The following FHIT variants were observed in gnomAD, a reference collection of about 807,000 sequenced individuals.
The protein encoded by FHIT is bis(5'-adenosyl)-triphosphatase.
A neutral mutation model predicts 17.9 loss-of-function variants in FHIT; 19 were observed. The ratio of observed to expected loss-of-function variants is 1.06; its 90% CI spans 0.74 to 1.56. The LOEUF (loss-of-function observed/expected upper bound fraction) is 1.56. Ranked by LOEUF, FHIT falls within the 40% of genes most tolerant of loss-of-function variation. FHIT has a pLI of 0.00. For missense variants in FHIT, 248 were observed against 189.2 expected (o/e 1.31, Z -1.82); for synonymous variants, 81 against 69.7 (o/e 1.16, Z -0.81).
At chr3:59,965,314 A>G (rs543440910) in intron 7 of FHIT, among the ~76,000 whole-genome samples, 18 of 152,270 alleles carry the variant, frequency 1.2e-4, no homozygotes, top group Admixed American at 8.5e-4. Flanking sequence ...GATATATCTG[A>G]TTTAAACACA....
rs1701683513 is a variant in FHIT, at chr3:60,814,873, T to A, written c.-18+7046A>T. ...CTCAGCAGCCTCACCAACATGTGGT[T>A]TTTTTTTGTTTGTTTAGTTTTGTTT... On this transcript the variant is annotated intron_variant, in intron 4 of 9. Coordinates refer to ENST00000492590, the MANE Select transcript of FHIT (RefSeq NM_002012.4). Among the ~76,000 whole-genome samples, 5 of 147,298 alleles carry A rather than the reference T, an allele frequency of 3.4e-5. No individual in the cohort carries two copies. In the South Asian group the frequency reaches 1.1e-3, roughly 32 times the overall value.
chr3:59,794,884 ACT>A (rs1249456513), intron 8 of FHIT, among the ~76,000 whole-genome samples: 1 of 151,942 alleles, frequency 6.6e-6, no homozygotes, highest in Non-Finnish European at 1.5e-5. Flanking sequence ...AAGCGTATAG[ACT>A]CTGCAGTTAA....
At chr3:60,543,907 CTTTTTTTTTTT>C (rs71092612) in intron 4 of FHIT, among the ~76,000 whole-genome samples, 2 of 52,062 alleles carry the variant, frequency 3.8e-5, no homozygotes, top group Admixed American at 6.5e-4. Flanking sequence ...CCACGCCCGG[CTTTTTTTTTTT>C]TTTTTTTTTT....
intron 4 of FHIT, among the ~76,000 whole-genome samples, chr3:60,787,013 A>AC (rs1553727164): frequency 0.012 from 1,769 of 151,648 alleles, 24 homozygotes; most frequent in African/African-American, 0.035. Context: ...AGAAAAAAAA[A>AC]AAAACAAAAC....
chr3:61,008,039 CT>C (rs2031563031), intron 3 of FHIT, among the ~76,000 whole-genome samples: 3 of 152,154 alleles, frequency 2.0e-5, no homozygotes, highest in Admixed American at 6.5e-5. Context: ...GCTTCTTCCA[CT>C]TCCTTATACT....
At chr3:60,223,980 GA>G (rs1704074638) in intron 5 of FHIT, among the ~76,000 whole-genome samples, 1 of 152,086 alleles carries the variant, frequency 6.6e-6, no homozygotes, top group African/African-American at 2.4e-5. Flanking sequence ...TAAAGCAACT[GA>G]ACTCTAGTAG....
intron 4 of FHIT, among the ~76,000 whole-genome samples, chr3:60,773,046 G>A (rs961266072): frequency 6.6e-5 from 10 of 152,054 alleles, no homozygotes; most frequent in East Asian, 1.9e-4. Flanking sequence ...CTCCATCTCC[G>A]GCATGGTGTG....
At chr3:60,789,128 A>G (rs1483830345) in intron 4 of FHIT, among the ~76,000 whole-genome samples, 2 of 145,324 alleles carry the variant, frequency 1.4e-5, no homozygotes, top group Non-Finnish European at 3.0e-5. Flanking sequence ...ATAGATATGT[A>G]TATATAGAGA....
chr3:60,687,294 G>T (rs2040881092), intron 4 of FHIT, among the ~76,000 whole-genome samples: 1 of 151,996 alleles, frequency 6.6e-6, no homozygotes, highest in Non-Finnish European at 1.5e-5. Context: ...AATAATGAAA[G>T]TTCTCAGGGC....
chr3:61,215,290 G>T (rs1470898618), intron 1 of FHIT, among the ~76,000 whole-genome samples: 4 of 151,542 alleles, frequency 2.6e-5, no homozygotes, highest in Non-Finnish European at 5.9e-5. Flanking sequence ...ATCTCCTTAA[G>T]CTGATAAGCA....
intron 5 of FHIT, among the ~76,000 whole-genome samples, chr3:60,194,824 A>G (rs1176677957): frequency 1.3e-5 from 2 of 152,122 alleles, no homozygotes; most frequent in Non-Finnish European, 2.9e-5. Context: ...GCCACCAAAC[A>G]TGAAAAAAAT....
intron 4 of FHIT, among the ~76,000 whole-genome samples, chr3:60,665,204 T>C (rs1553692188): frequency 6.6e-6 from 1 of 151,994 alleles, no homozygotes; most frequent in Non-Finnish European, 1.5e-5. Flanking sequence ...ATATGATCTA[T>C]TTTGGTGAAT....
At chr3:60,975,256 T>C (rs1710185952) in intron 3 of FHIT, among the ~76,000 whole-genome samples, 1 of 152,212 alleles carries the variant, frequency 6.6e-6, no homozygotes, top group Admixed American at 6.5e-5. Context: ...TGAATGATTT[T>C]CTTACTCTCT....
At chr3:60,434,117 A>G (rs1280739987) in intron 5 of FHIT, among the ~76,000 whole-genome samples, 1 of 152,004 alleles carries the variant, frequency 6.6e-6, no homozygotes, top group Non-Finnish European at 1.5e-5. Flanking sequence ...GGACCCTTTT[A>G]TTATACCATA....
chr3:60,627,157 G>A (rs185807559), intron 4 of FHIT, among the ~76,000 whole-genome samples: 34 of 152,140 alleles, frequency 2.2e-4, no homozygotes, highest in African/African-American at 7.5e-4. Flanking sequence ...GCATTGTGAT[G>A]TCTGTCTGTT....
chr3:60,566,818 GACAA>G (rs1306169340), intron 4 of FHIT, among the ~76,000 whole-genome samples: 2 of 150,070 alleles, frequency 1.3e-5, no homozygotes, highest in South Asian at 2.2e-4. Flanking sequence ...ACCAACAACA[GACAA>G]ACAGAGAGCC....
At chr3:60,317,405 C>T (rs1463348578) in intron 5 of FHIT, among the ~76,000 whole-genome samples, 2 of 151,596 alleles carry the variant, frequency 1.3e-5, no homozygotes, top group African/African-American at 2.4e-5. Context: ...ATTAGAATTC[C>T]TCTGATGCTC....
chr3:60,850,304 A>C (rs1703100361), intron 3 of FHIT, among the ~76,000 whole-genome samples: 1 of 143,722 alleles, frequency 7.0e-6, no homozygotes, highest in African/African-American at 2.6e-5. Flanking sequence ...TTTCCATGTT[A>C]GGGCCTTTGT....
At chr3:60,588,281 C>A (rs868954025) in intron 4 of FHIT, among the ~76,000 whole-genome samples, 25 of 152,106 alleles carry the variant, frequency 1.6e-4, no homozygotes, top group Middle Eastern at 3.4e-3. Flanking sequence ...TCAACTGACA[C>A]AGAACAAATG....
Sources: gnomAD v4.1 joint callset for allele counts (sites outside exome capture counted in the v4.1 genomes callset) on GRCh38, gnomAD v4.1.1 for gene constraint, MANE v1.5 for transcripts, NCBI Gene and HGNC (gene_info 2026-07-23, HGNC 2026-07-21) for gene names.